Variants in JMJD1C observed in about 807,000 individuals in gnomAD.
JMJD1C encodes the protein jumonji domain containing 1C, also known as jumonji domain-containing protein 1C.
A neutral mutation model predicts 245.3 loss-of-function variants in JMJD1C; 31 were observed. The observed-to-expected ratio is 0.13, with a 90% CI of 0.09 to 0.17. JMJD1C has a LOEUF of 0.17. Ranked by LOEUF, JMJD1C falls within the 10% of genes least tolerant of loss-of-function variation. JMJD1C has a pLI of 1.00. For synonymous variants in JMJD1C, 1,057 were observed against 1,017.4 expected (o/e 1.04, Z -0.74); for missense variants, 2,691 against 3,000.2 (o/e 0.90, Z 2.41).
chr10:63,332,691 T>C (rs888268889), intron 2 of JMJD1C, among the ~76,000 whole-genome samples: 2 of 152,230 alleles, frequency 1.3e-5, no homozygotes, highest in African/African-American at 4.8e-5. Context: ...TAATTATCAA[T>C]TAGATTTCAA....
At chr10:63,446,155 G>A (rs931559129) in intron 1 of JMJD1C, among the ~76,000 whole-genome samples, 6 of 151,926 alleles carry the variant, frequency 3.9e-5, no homozygotes, top group South Asian at 2.1e-4. Context: ...GATTACAGGC[G>A]TTGAGCCACC....
chr10:63,486,070 C>CTT (rs1953983101), intron 1 of JMJD1C, among the ~76,000 whole-genome samples: 1 of 142,152 alleles, frequency 7.0e-6, no homozygotes, highest in South Asian at 2.2e-4. Flanking sequence ...CGTGACAAAG[C>CTT]CTGAAGAATG....
chr10:63,515,398 G>C (rs1954986894), intron 1 of JMJD1C, among the ~76,000 whole-genome samples: 3 of 152,164 alleles, frequency 2.0e-5, no homozygotes. Context: ...AATATTTACT[G>C]TGAGGACCTG....
chr10:63,178,509 C>T (rs1173947232), intron 22 of JMJD1C, among the ~76,000 whole-genome samples: 1 of 152,106 alleles, frequency 6.6e-6, no homozygotes, highest in Non-Finnish European at 1.5e-5. Context: ...TATTAGTTGG[C>T]CCCTATACTT....
intron 3 of JMJD1C, among the ~76,000 whole-genome samples, chr10:63,259,412 G>GA (rs139773244): frequency 0.08 from 11,848 of 148,216 alleles, 685 homozygotes; most frequent in East Asian, 0.29. Context: ...AAATTTAGGA[G>GA]AAAAAAAAAA....
intron 2 of JMJD1C, among the ~76,000 whole-genome samples, chr10:63,363,964 T>C (rs1318014754): frequency 6.6e-6 from 1 of 151,662 alleles, no homozygotes; most frequent in Admixed American, 6.6e-5. Context: ...CAAGCAATTC[T>C]CTTGCCTCAG....
chr10:63,416,898 C>T (rs2132707178), intron 1 of JMJD1C, among the ~76,000 whole-genome samples: 1 of 152,244 alleles, frequency 6.6e-6, no homozygotes, highest in Middle Eastern at 3.4e-3. Context: ...GCAAAAAGTG[C>T]TGCATGTTCA....
intron 3 of JMJD1C, among the ~76,000 whole-genome samples, chr10:63,247,738 A>AAG (rs1852430180): frequency 6.6e-6 from 1 of 150,960 alleles, no homozygotes; most frequent in Non-Finnish European, 1.5e-5. Context: ...AAAAAAAAAA[A>AAG]GAAACAAAAA....
intron 24 of JMJD1C, among the ~76,000 whole-genome samples, chr10:63,172,016 T>C (rs1338616125): frequency 1.3e-5 from 2 of 152,212 alleles, no homozygotes; most frequent in East Asian, 1.9e-4. Flanking sequence ...AAGAGCTGTG[T>C]TGTTGTCATT....
intron 10 of JMJD1C, among the ~76,000 whole-genome samples, chr10:63,205,809 TATATAC>T (rs1349574468): frequency 6.6e-6 from 1 of 152,160 alleles, no homozygotes; most frequent in Non-Finnish European, 1.5e-5. Context: ...ACCACTGTCA[TATATAC>T]ATTCCATCAT....
At chr10:63,228,419 A>C (rs1849562526) in intron 3 of JMJD1C, among the ~76,000 whole-genome samples, 1 of 152,158 alleles carries the variant, frequency 6.6e-6, no homozygotes, top group South Asian at 2.1e-4. Context: ...CAGGAGGCTG[A>C]GGTGGGAGGA....
chr10:63,481,013 G>A (rs1953814889), intron 1 of JMJD1C, among the ~76,000 whole-genome samples: 1 of 152,088 alleles, frequency 6.6e-6, no homozygotes, highest in East Asian at 1.9e-4. Context: ...ATCATTATTT[G>A]TAAATTTTAC....
At chr10:63,407,091 A>G (rs960115670) in intron 1 of JMJD1C, among the ~76,000 whole-genome samples, 1 of 152,230 alleles carries the variant, frequency 6.6e-6, no homozygotes, top group Non-Finnish European at 1.5e-5. Flanking sequence ...CCAAAGGTTC[A>G]AAAATTGAGT....
intron 2 of JMJD1C, among the ~76,000 whole-genome samples, chr10:63,320,387 C>T (rs933530907): frequency 6.6e-6 from 1 of 151,420 alleles, no homozygotes; most frequent in African/African-American, 2.4e-5. Flanking sequence ...TTTTTCTTTC[C>T]TTTGAATGTT....
intron 2 of JMJD1C, among the ~76,000 whole-genome samples, chr10:63,335,023 G>GAGAAA (rs1554891435): frequency 4.0e-5 from 4 of 100,862 alleles, no homozygotes; most frequent in Non-Finnish European, 7.7e-5. Flanking sequence ...TCTGTCTTTG[G>GAGAAA]AAAAAAATAA....
chr10:63,439,082 T>C (rs1372999593), intron 1 of JMJD1C, among the ~76,000 whole-genome samples: 2 of 152,200 alleles, frequency 1.3e-5, no homozygotes, highest in African/African-American at 4.8e-5. Context: ...TGCCCCCTCA[T>C]ACTTCAATCT....
chr10:63,219,319 T>A (rs746280848), intron 4 of JMJD1C, among the ~76,000 whole-genome samples: 12 of 152,210 alleles, frequency 7.9e-5, no homozygotes, highest in Non-Finnish European at 1.8e-4. Flanking sequence ...TCATGCCATA[T>A]TGTCTCACTT....
intron 2 of JMJD1C, among the ~76,000 whole-genome samples, chr10:63,277,731 C>CTTTTATTTTTTTTTTTTTT (rs1856944379): frequency 1.6e-5 from 1 of 64,264 alleles, no homozygotes; most frequent in African/African-American, 7.1e-5. Context: ...ATTTGCATTT[C>CTTTTATTTTTTTTTTTTTT]TTTTTTTTTT....
intron 1 of JMJD1C, among the ~76,000 whole-genome samples, chr10:63,482,831 T>A (rs1037781809): frequency 6.6e-6 from 1 of 152,178 alleles, no homozygotes; most frequent in Non-Finnish European, 1.5e-5. Context: ...AATGAACACA[T>A]AATATATGCA....
Sources: gnomAD v4.1 joint callset for allele counts (sites outside exome capture counted in the v4.1 genomes callset) on GRCh38, gnomAD v4.1.1 for gene constraint, MANE v1.5 for transcripts, NCBI Gene and HGNC (gene_info 2026-07-23, HGNC 2026-07-21) for gene names.